KCNJ3: variants seen among roughly 807,000 people sequenced by gnomAD.
KCNJ3 encodes G protein-activated inward rectifier potassium channel 1.
A neutral mutation model predicts 39.2 loss-of-function variants in KCNJ3; 4 were observed. The ratio of observed to expected loss-of-function variants is 0.10; its 90% CI spans 0.05 to 0.23. The LOEUF is 0.23. KCNJ3 is among the 10% of genes least tolerant of loss of function. The pLI is 1.00. For missense variants in KCNJ3, 276 were observed against 634.9 expected, an observed-to-expected ratio of 0.43 and a Z score of 6.08; for synonymous variants, 230 against 237.4, an observed-to-expected ratio of 0.97 and a Z score of 0.29.
intron 2 of KCNJ3, among the ~76,000 whole-genome samples, chr2:154,763,283 G>T (rs962471162): frequency 1.3e-5 from 2 of 152,082 alleles, no homozygotes; most frequent in African/African-American, 2.4e-5. Context: ...GAAATAAACG[G>T]AATCTTTTTC....
intron 1 of KCNJ3, among the ~76,000 whole-genome samples, chr2:154,704,077 C>A (rs1460773296): frequency 6.6e-6 from 1 of 151,992 alleles, no homozygotes; most frequent in African/African-American, 2.4e-5. Flanking sequence ...TATACTAATT[C>A]TCTAATAAGT....
intron 2 of KCNJ3, among the ~76,000 whole-genome samples, chr2:154,853,148 A>G (rs1687784109): frequency 6.6e-6 from 1 of 151,962 alleles, no homozygotes. Flanking sequence ...AGAATGGAAA[A>G]AAAAAAAAAG....
At chr2:154,817,305 G>A (rs1433466436) in intron 2 of KCNJ3, among the ~76,000 whole-genome samples, 4 of 152,174 alleles carry the variant, frequency 2.6e-5, no homozygotes, top group African/African-American at 9.6e-5. Flanking sequence ...TTCTACATTA[G>A]CAGTGCTGAT....
intron 2 of KCNJ3, among the ~76,000 whole-genome samples, chr2:154,771,934 C>CT (rs1335274283): frequency 6.6e-6 from 1 of 152,120 alleles, no homozygotes; most frequent in Non-Finnish European, 1.5e-5. Context: ...TCACTTGTTA[C>CT]TAAGTATTAG....
chr2:154,707,135 A>G (rs13416962), intron 1 of KCNJ3, among the ~76,000 whole-genome samples: 2,216 of 152,226 alleles, frequency 0.015, 27 homozygotes, highest in African/African-American at 0.037. Context: ...AATTCAATAC[A>G]TATGTAAAGA....
chr2:154,778,980 C>A (rs1381322118), intron 2 of KCNJ3, among the ~76,000 whole-genome samples: 3 of 152,068 alleles, frequency 2.0e-5, no homozygotes, highest in Admixed American at 6.6e-5. Context: ...TAATAATATA[C>A]TTCTGAGGTG....
At chr2:154,731,577 A>G (rs957701067) in intron 2 of KCNJ3, among the ~76,000 whole-genome samples, 2 of 151,974 alleles carry the variant, frequency 1.3e-5, no homozygotes, top group Non-Finnish European at 2.9e-5. Context: ...TTCTTTGGGT[A>G]TCTTTTAAAT....
Position 154,709,716 on chromosome 2 carries a change from C to T in KCNJ3, c.816C>T (p.His272=), listed in dbSNP as rs766872166. Residue 272 remains histidine (H), a synonymous_variant, in exon 2 of 3, where the codon CAC becomes CAT. Coordinates refer to ENST00000295101, the MANE Select transcript of KCNJ3 (RefSeq NM_002239.4). ...LFLVSPLTIC[H]VIDAKSPFYD... ...TTGTGTCCCCCCTCACAATTTGCCA[C>T]GTGATCGATGCCAAAAGCCCCTTTT... 54 of 1,613,818 alleles carry T rather than the reference C, an allele frequency of 3.3e-5. No homozygotes were observed. The highest frequency in any genetic ancestry group is 1.5e-4 in the Admixed American group (9 of 59,956).
Position 154,830,512 on chromosome 2 carries a change from C to T in KCNJ3, c.920-24215C>T, listed in dbSNP as rs547487207. ...AAAACAATTGCATTAAGATGCGCTT[C>T]GTGTGTTTCAAACTTAATGTATTTA... On this transcript the variant is annotated intron_variant, in intron 2 of 2. Coordinates refer to ENST00000295101, the MANE Select transcript of KCNJ3 (RefSeq NM_002239.4). Among the ~76,000 whole-genome samples the T allele has an allele frequency of 2.1e-4, 32 of 152,220 alleles. No homozygotes were observed. In the South Asian group the frequency reaches 2.3e-3, roughly 11 times the overall value.
At chr2:154,740,192 T>C (rs1685628818) in intron 2 of KCNJ3, among the ~76,000 whole-genome samples, 1 of 152,070 alleles carries the variant, frequency 6.6e-6, no homozygotes, top group South Asian at 2.1e-4. Context: ...GATTTCCTTA[T>C]TGTTTTTCTT....
Position 154,851,947 on chromosome 2 carries a change from A to G in KCNJ3, c.920-2780A>G, listed in dbSNP as rs1687763325. On this transcript the variant is annotated intron_variant, in intron 2 of 2. Transcript: ENST00000295101. ...GTTATTTTCGCAATGTGAAAATAAA[A>G]AAAAGCCACCAAAATGAAATGGGCT... 2.0e-5 allele frequency among the ~76,000 whole-genome samples: 3 copies of G among 152,208 alleles called. 1 individual carries two copies. Among genetic ancestry groups the G allele is most frequent in the Admixed American group, 2.0e-4 (3 of 15,276 alleles).
chr2:154,722,884 A>C (rs1685287961), intron 2 of KCNJ3, among the ~76,000 whole-genome samples: 1 of 152,202 alleles, frequency 6.6e-6, no homozygotes, highest in South Asian at 2.1e-4. Context: ...TTGAAAACTC[A>C]AAGTATGTAA....
chr2:154,795,879 T>A (rs912959240), intron 2 of KCNJ3, among the ~76,000 whole-genome samples: 5 of 152,084 alleles, frequency 3.3e-5, no homozygotes, highest in African/African-American at 1.2e-4. Flanking sequence ...CTTGGGAAAT[T>A]GGATTTTGAC....
At chr2:154,769,491 A>G (rs1415498522) in intron 2 of KCNJ3, among the ~76,000 whole-genome samples, 3 of 152,186 alleles carry the variant, frequency 2.0e-5, no homozygotes, top group Admixed American at 2.0e-4. Context: ...GATTATGTTT[A>G]CTGATTTGCG....
chr2:154,842,179 T>C (rs1422716527), intron 2 of KCNJ3, among the ~76,000 whole-genome samples: 2 of 152,226 alleles, frequency 1.3e-5, no homozygotes, highest in African/African-American at 4.8e-5. Flanking sequence ...TCTTTATTTC[T>C]GCCTTCATTT....
At chr2:154,848,718 C>T (rs1043563006) in intron 2 of KCNJ3, among the ~76,000 whole-genome samples, 3 of 152,066 alleles carry the variant, frequency 2.0e-5, no homozygotes, top group South Asian at 2.1e-4. Flanking sequence ...ATTAGAAAAA[C>T]GGAGGTTCAG....
chr2:154,741,496 C>T (rs1445697986), intron 2 of KCNJ3, among the ~76,000 whole-genome samples: 3 of 151,360 alleles, frequency 2.0e-5, no homozygotes, highest in Non-Finnish European at 4.4e-5. Context: ...GACAGAGAAT[C>T]GATTGTGTTA....
At chr2:154,756,743 C>T (rs989943348) in intron 2 of KCNJ3, among the ~76,000 whole-genome samples, 15 of 151,502 alleles carry the variant, frequency 9.9e-5, no homozygotes, top group South Asian at 6.3e-4. Flanking sequence ...ACATGTACCC[C>T]GGAACTTAAA....
Position 154,703,479 on chromosome 2 carries a change from A to G in KCNJ3, c.702+4002A>G, listed in dbSNP as rs200870462. Reference sequence around the variant, plus strand: ...TCACCTTCTTTTATCCTCCATATATATGTGTGTGTGTGTGTGTGTGTGTGT... The same window carrying G: ...TCACCTTCTTTTATCCTCCATATATGTGTGTGTGTGTGTGTGTGTGTGTGT... On this transcript the variant is annotated intron_variant, in intron 1 of 2. Transcript: ENST00000295101. Among the ~76,000 whole-genome samples the G allele has an allele frequency of 6.7e-3, 990 of 148,294 alleles. 14 individuals carry two copies. Among genetic ancestry groups the G allele is most frequent in the African/African-American group, 0.023 (924 of 40,438 alleles).
Sources: allele counts gnomAD v4.1 joint callset (sites outside exome capture counted in the v4.1 genomes callset), GRCh38; gene constraint gnomAD v4.1.1; transcripts MANE v1.5; gene names NCBI Gene and HGNC (gene_info 2026-07-23, HGNC 2026-07-21).